CADM3: variants seen among roughly 807,000 people sequenced by gnomAD.
CADM3 encodes the protein TSLC1-like 1.
A neutral mutation model predicts 44.9 loss-of-function variants in CADM3; 11 were observed. That is an observed-to-expected ratio of 0.25 (90% CI 0.15 to 0.41). The LOEUF (loss-of-function observed/expected upper bound fraction) is 0.41, where lower values mean the gene tolerates loss of function less well. CADM3 is among the 10% of genes least tolerant of loss of function. The pLI is 1.00. For missense variants in CADM3, 426 were observed against 512.0 expected, an observed-to-expected ratio of 0.83 and a Z score of 1.62; for synonymous variants, 207 against 205.2, an observed-to-expected ratio of 1.01 and a Z score of -0.08.
intron 1 of CADM3, among the ~76,000 whole-genome samples, chr1:159,186,646 A>C (rs1234063480): frequency 6.6e-6 from 1 of 152,222 alleles, no homozygotes; most frequent in Admixed American, 6.5e-5. Flanking sequence ...ATAGCATTAT[A>C]ATCACTCATC....
chr1:159,189,702 T>G, intron 1 of CADM3: 1 of 1,195,750 alleles, frequency 8.4e-7, no homozygotes, highest in Non-Finnish European at 1.2e-6. Flanking sequence ...TGCCCAGCAA[T>G]GAAAGTAGAG....
At chr1:159,180,249 A>G (rs997521758) in intron 1 of CADM3, among the ~76,000 whole-genome samples, 4 of 152,208 alleles carry the variant, frequency 2.6e-5, no homozygotes, top group Non-Finnish European at 5.9e-5. Context: ...TCTGGGTCAT[A>G]ATAAAATCTG....
At chr1:159,172,092 G>A (rs950060706) in intron 1 of CADM3, among the ~76,000 whole-genome samples, 1 of 152,180 alleles carries the variant, frequency 6.6e-6, no homozygotes, top group Non-Finnish European at 1.5e-5. Context: ...TGTGCACCGG[G>A]GTTTGGCTCT....
intron 1 of CADM3, among the ~76,000 whole-genome samples, chr1:159,186,365 C>T (rs1211593119): frequency 6.6e-6 from 1 of 152,158 alleles, no homozygotes; most frequent in African/African-American, 2.4e-5. Flanking sequence ...GACTGAAACT[C>T]TCTTCATCTG....
chr1:159,176,561 C>G (rs867668619), intron 1 of CADM3, among the ~76,000 whole-genome samples: 1 of 152,166 alleles, frequency 6.6e-6, no homozygotes, highest in Non-Finnish European at 1.5e-5. Context: ...GGGCTAGAGA[C>G]CTGTTTCTGC....
At position 159,193,944 on chromosome 1, in the gene CADM3, A is replaced by G. The variant is rs763585215; in HGVS notation, c.595A>G (p.Thr199Ala). ...TVSSSVTFQVTREDDGASIVC... is the reference protein window; with the variant it reads ...TVSSSVTFQVAREDDGASIVC... ...CAGCAGCTCGGTGACATTCCAGGTT[A>G]CCCGGGAGGATGATGGGGCGAGCAT... Residue 199 changes from threonine (T) to alanine (A), a missense_variant, in exon 5 of 9, where the codon ACC becomes GCC. Coordinates refer to ENST00000368125, the MANE Select transcript of CADM3 (RefSeq NM_001127173.3). 6 of 1,613,958 alleles carry G rather than the reference A, an allele frequency of 3.7e-6. No individual in the cohort carries two copies. The highest frequency in any genetic ancestry group is 4.2e-6 in the Non-Finnish European group (5 of 1,180,018).
intron 1 of CADM3, among the ~76,000 whole-genome samples, chr1:159,177,743 A>C (rs3026970): frequency 0.059 from 9,009 of 152,254 alleles, 895 homozygotes; most frequent in African/African-American, 0.21. Flanking sequence ...TTCTTAGGTT[A>C]AAAAAGAAGT....
chr1:159,180,881 T>C (rs897149250), intron 1 of CADM3, among the ~76,000 whole-genome samples: 2 of 152,106 alleles, frequency 1.3e-5, no homozygotes, highest in African/African-American at 4.8e-5. Flanking sequence ...CATCAGCCTG[T>C]AATATCTAAA....
At chr1:159,193,751 C>A in intron 4 of CADM3, 119 bp from the exon 5 acceptor site, 1 of 1,471,450 alleles carries the variant, frequency 6.8e-7, no homozygotes, top group Non-Finnish European at 9.4e-7. Flanking sequence ...CTAAGTTTAT[C>A]TAGGTTGAGA....
intron 8 of CADM3, 120 bp downstream of exon 8, chr1:159,199,996 G>A: frequency 1.5e-6 from 2 of 1,308,346 alleles, no homozygotes; most frequent in Non-Finnish European, 1.1e-6. Context: ...GCCCTTTGGA[G>A]TGTTTAGGGA....
At chr1:159,182,343 C>T (rs929238321) in intron 1 of CADM3, among the ~76,000 whole-genome samples, 1 of 152,184 alleles carries the variant, frequency 6.6e-6, no homozygotes, top group Non-Finnish European at 1.5e-5. Context: ...GTATCATGCA[C>T]AGGAGATGAG....
At chr1:159,187,325 T>G (rs1649456163) in intron 1 of CADM3, among the ~76,000 whole-genome samples, 1 of 152,106 alleles carries the variant, frequency 6.6e-6, no homozygotes, top group Non-Finnish European at 1.5e-5. Flanking sequence ...CAGCTCAAAG[T>G]TTAGATGAGG....
At position 159,203,108 on chromosome 1, in the gene CADM3, G is replaced by T; in HGVS notation, c.*2186G>T. ...CTAACTCTCCTGTGCTAATCTCAGA[G>T]GGGTCACCCTCAATATATCTGGATT... On this transcript the variant is annotated 3_prime_UTR_variant, in exon 9 of 9. Transcript: ENST00000368125. 1 of 152,394 alleles carries T rather than the reference G, an allele frequency of 6.6e-6. No individual in the cohort carries two copies. 9.4% of individuals were successfully genotyped at this position (152,394 alleles called of 1,614,324 possible).
At chr1:159,188,447 C>T (rs972966054) in intron 1 of CADM3, among the ~76,000 whole-genome samples, 1 of 151,992 alleles carries the variant, frequency 6.6e-6, no homozygotes, top group African/African-American at 2.4e-5. Context: ...CTCGACCTCC[C>T]GGCCCCCGCG....
Position 159,201,121 on chromosome 1 carries a change from A to C in CADM3, c.*199A>C. On this transcript the variant is annotated 3_prime_UTR_variant, in exon 9 of 9. Transcript: ENST00000368125. ...AATGGGGAGGGAGGAGGGCGGGGGG[A>C]GGGGAGGGTTGCCCTCAGCCCTTTC... 3 of 160,094 alleles carry C rather than the reference A, an allele frequency of 1.9e-5. No homozygotes were observed. The highest frequency in any genetic ancestry group is 3.6e-5 in the Non-Finnish European group (3 of 83,772). The allele number at this position is 160,094 out of a possible 1,614,324, so 9.9% of individuals were successfully genotyped here.
chr1:159,189,223 T>C (rs1255043366), intron 1 of CADM3, among the ~76,000 whole-genome samples: 1 of 152,230 alleles, frequency 6.6e-6, no homozygotes, highest in Non-Finnish European at 1.5e-5. Context: ...GGCGAGTCAT[T>C]TCATTCTATT....
chr1:159,191,888 G>A, intron 1 of CADM3, 48 bp from the exon 2 acceptor site: 1 of 1,610,832 alleles, frequency 6.2e-7, no homozygotes, highest in Non-Finnish European at 8.5e-7. Context: ...AGAAATGGGA[G>A]GAGGGGCTAG....
chr1:159,181,549 C>T (rs1649229613), intron 1 of CADM3, among the ~76,000 whole-genome samples: 1 of 152,150 alleles, frequency 6.6e-6, no homozygotes, highest in Non-Finnish European at 1.5e-5. Flanking sequence ...ACCTCACCCT[C>T]TCATCCTCTT....
intron 1 of CADM3, among the ~76,000 whole-genome samples, chr1:159,176,229 T>G (rs982623500): frequency 3.3e-5 from 5 of 152,228 alleles, no homozygotes; most frequent in Non-Finnish European, 1.5e-5. Flanking sequence ...AGTGAAAAAT[T>G]CAAAGTTATT....
Sources: gnomAD v4.1 joint callset for allele counts (sites outside exome capture counted in the v4.1 genomes callset) on GRCh38, gnomAD v4.1.1 for gene constraint, MANE v1.5 for transcripts, NCBI Gene and HGNC (gene_info 2026-07-23, HGNC 2026-07-21) for gene names.